Variants in F8 observed in about 807,000 individuals in gnomAD.
F8 encodes antihemophilic factor.
F8 carries 12 observed loss-of-function variants against 140.6 expected under a neutral mutation model. The ratio of observed to expected loss-of-function variants is 0.09; its 90% CI spans 0.05 to 0.14. The LOEUF (loss-of-function observed/expected upper bound fraction) is 0.14, where lower values mean the gene tolerates loss of function less well. F8 is among the 10% of genes least tolerant of loss of function. The pLI is 1.00. For synonymous variants in F8, 585 were observed against 614.6 expected, an observed-to-expected ratio of 0.95 and a Z score of 0.71; for missense variants, 1,354 against 1,720.7, an observed-to-expected ratio of 0.79 and a Z score of 3.77.
At position 154,922,571 on chromosome X, in the gene F8, G is replaced by C. The variant is rs146035792; in HGVS notation, c.5219+6000C>G. Among the ~76,000 whole-genome samples the C allele has an allele frequency of 7.5e-3, 836 of 111,896 alleles. 12 individuals are homozygous for C. Among genetic ancestry groups the C allele is most frequent in the African/African-American group, 0.025 (764 of 30,793 alleles). On this transcript the variant is annotated intron_variant, in intron 14 of 25. Transcript: ENST00000360256. ...TTAAGTGCATTGAAAAAAAATGGTG[G>C]GAGCAATATTTACATACAGTGTTCA...
chrX:154,975,927 C>T (rs994230072), intron 6 of F8, among the ~76,000 whole-genome samples: 6 of 111,416 alleles, frequency 5.4e-5, no homozygotes, highest in Middle Eastern at 4.2e-3. Flanking sequence ...GACAGATTCT[C>T]GCTGTGTGCC....
At chrX:154,979,826 G>A (rs2073508398) in intron 6 of F8, among the ~76,000 whole-genome samples, 1 of 111,806 alleles carries the variant, frequency 8.9e-6, no homozygotes, top group African/African-American at 3.3e-5. Flanking sequence ...AGCTGCTTGG[G>A]AGAATTGCAG....
chrX:154,862,333 T>A (rs2072699410), intron 23 of F8, among the ~76,000 whole-genome samples: 1 of 112,053 alleles, frequency 8.9e-6, no homozygotes, highest in South Asian at 3.7e-4. Flanking sequence ...GCCAATTCTG[T>A]TATTGCTATC....
chrX:154,860,643 G>A (rs371143627), intron 24 of F8, 35 bp from the exon 25 acceptor site: 19 of 1,177,600 alleles, frequency 1.6e-5, no homozygotes, highest in Non-Finnish European at 1.7e-5. Context: ...TAGCCTCTTG[G>A]TCACCATTTA....
chrX:154,850,441 CTTT>C (rs1159681314), intron 25 of F8, among the ~76,000 whole-genome samples: 1,306 of 99,976 alleles, frequency 0.013, 24 homozygotes, highest in African/African-American at 0.044. Context: ...AGGCTTGGTT[CTTT>C]TTTTTTTTCT....
intron 1 of F8, among the ~76,000 whole-genome samples, chrX:155,021,246 A>G (rs1430772891): frequency 9.0e-6 from 1 of 111,324 alleles, no homozygotes; most frequent in Non-Finnish European, 1.9e-5. Context: ...ATGTGAATAT[A>G]TATTATCATA....
In F8 at chrX:154,961,146, C is replaced by T. The variant is rs782468165; in HGVS notation, c.1466G>A (p.Ser489Asn). 28 of 1,190,695 alleles carry T rather than the reference C, an allele frequency of 2.4e-5. No individual in the cohort carries two copies. Among genetic ancestry groups the T allele is most frequent in the Non-Finnish European group, 3.2e-5 (28 of 876,802 alleles). Residue 489 changes from serine (S) to asparagine (N), a missense_variant, in exon 10 of 26, where the codon AGC becomes AAC. Around this residue, in one of 4 missense-constraint regions of F8, gnomAD observed 252 missense variants for 338.5 expected, o/e 0.74. Coordinates refer to ENST00000360256, the MANE Select transcript of F8 (RefSeq NM_000132.4). ...GTGAGGGTAGATGTTATATGGTCTG[C>T]TTGCTTGATTCTTAAATATAATCTG... The part of the protein sequence containing the change: ...TLLIIFKNQA[S>N]RPYNIYPHGI...
At chrX:154,925,946 G>C (rs1183136494) in intron 14 of F8, among the ~76,000 whole-genome samples, 3 of 112,150 alleles carry the variant, frequency 2.7e-5, no homozygotes, top group Non-Finnish European at 3.8e-5. Flanking sequence ...TGGTTTGGCT[G>C]TGTCCCTACC....
At chrX:155,002,614 C>T (rs1557285700) in intron 1 of F8, among the ~76,000 whole-genome samples, 1 of 97,623 alleles carries the variant, frequency 1.0e-5, no homozygotes, top group Non-Finnish European at 2.1e-5. Context: ...CATATATTTA[C>T]ACACACACAC....
At chrX:154,961,035 C>T (rs1364989372) in intron 10 of F8, 40 bp downstream of exon 10, 1 of 887,157 alleles carries the variant, frequency 1.1e-6, no homozygotes, top group African/African-American at 2.0e-5. Flanking sequence ...TCATCTGTAT[C>T]TACAGGTAAA....
At chrX:154,856,948 G>T (rs186773546) in intron 25 of F8, among the ~76,000 whole-genome samples, 64 of 111,999 alleles carry the variant, frequency 5.7e-4, no homozygotes, top group African/African-American at 2.0e-3. Flanking sequence ...TTTAGCTCAA[G>T]TCCATCTCAA....
At chrX:154,857,303 T>C (rs981452111) in intron 25 of F8, among the ~76,000 whole-genome samples, 1 of 111,512 alleles carries the variant, frequency 9.0e-6, no homozygotes, top group Non-Finnish European at 1.9e-5. Context: ...CATCATCAAA[T>C]GGAAGTGGTA....
At chrX:154,863,597 C>G (rs1873755486) in intron 22 of F8, among the ~76,000 whole-genome samples, 1 of 111,111 alleles carries the variant, frequency 9.0e-6, no homozygotes, top group Admixed American at 9.5e-5. Flanking sequence ...AGAACGGTAT[C>G]AGTGAGTTGA....
chrX:154,936,919 A>C (rs905728979), intron 13 of F8, among the ~76,000 whole-genome samples: 7 of 111,842 alleles, frequency 6.3e-5, no homozygotes, highest in African/African-American at 9.7e-5. Context: ...CAACAGAGAG[A>C]GAGCCAGAAA....
At chrX:154,918,536 G>T (rs2069501315) in intron 14 of F8, among the ~76,000 whole-genome samples, 1 of 109,298 alleles carries the variant, frequency 9.1e-6, no homozygotes, top group South Asian at 4.0e-4. Flanking sequence ...TGTCAGTCTG[G>T]GGGAACTTTT....
intron 22 of F8, among the ~76,000 whole-genome samples, chrX:154,894,493 C>T (rs139095071): frequency 0.012 from 1,368 of 110,825 alleles, 25 homozygotes; most frequent in African/African-American, 0.042. Flanking sequence ...CTGAGGTGGG[C>T]GGATCACCTG....
intron 13 of F8, among the ~76,000 whole-genome samples, chrX:154,942,374 G>T (rs1165248666): frequency 5.0e-4 from 55 of 110,075 alleles, no homozygotes; most frequent in Middle Eastern, 4.7e-3. Context: ...TACCATCAGA[G>T]AATACTACAA....
intron 3 of F8, among the ~76,000 whole-genome samples, chrX:154,993,562 A>G (rs1286654479): frequency 4.5e-5 from 5 of 112,012 alleles, no homozygotes; most frequent in Non-Finnish European, 9.4e-5. Flanking sequence ...TACTTTCTGC[A>G]TCTTAATTTG....
Position 154,904,740 on chromosome X carries a change from C to T in F8, c.5586+71G>A, listed in dbSNP as rs2073028902. On this transcript the variant is annotated intron_variant, in intron 16 of 25. Coordinates refer to ENST00000360256, the MANE Select transcript of F8 (RefSeq NM_000132.4). ...TTCTTATTGCACGTAGGATAAATAT[C>T]AAAATTCTTAGTACACAAAGACCAT... is the stretch of plus-strand genomic sequence containing the variant. The T allele has an allele frequency of 8.2e-6, 8 of 970,243 alleles. No individual in the cohort carries two copies. In the South Asian group the frequency reaches 1.6e-4, roughly 19 times the overall value. The allele number at this position is 970,243 out of a possible 1,213,427, so 80.0% of individuals were successfully genotyped here.
Sources: allele counts gnomAD v4.1 joint callset (sites outside exome capture counted in the v4.1 genomes callset), GRCh38; gene constraint gnomAD v4.1.1; regional missense constraint gnomAD v4.1.1; transcripts MANE v1.5; gene names NCBI Gene and HGNC (gene_info 2026-07-23, HGNC 2026-07-21).